FAT3: variants seen among roughly 807,000 people sequenced by gnomAD.
The protein encoded by FAT3 is FAT atypical cadherin 3, also known as protocadherin Fat 3.
Under a neutral mutation model 310.2 loss-of-function variants are expected in FAT3, and 95 were observed. That is an observed-to-expected ratio of 0.31 (90% confidence interval 0.26 to 0.36). FAT3 has a LOEUF of 0.36. Ranked by LOEUF, FAT3 falls within the 10% of genes least tolerant of loss-of-function variation. FAT3 has a pLI of 1.00. For synonymous variants in FAT3, 2,314 were observed against 2,192.9 expected (o/e 1.06, Z -1.54); for missense variants, 5,408 against 5,715.6 (o/e 0.95, Z 1.74).
At chr11:92,651,561 C>T (rs1226219555) in intron 3 of FAT3, among the ~76,000 whole-genome samples, 1 of 152,140 alleles carries the variant, frequency 6.6e-6, no homozygotes, top group Non-Finnish European at 1.5e-5. Flanking sequence ...GGAGTTGAGA[C>T]ACTTTTTTTT....
intron 9 of FAT3, 73 bp downstream of exon 9, chr11:92,793,050 G>C (rs1043071377): frequency 6.8e-7 from 1 of 1,460,528 alleles, no homozygotes; most frequent in Non-Finnish European, 9.4e-7. Flanking sequence ...TTATCACCAT[G>C]TAAAATTCAG....
chr11:92,773,514 C>CT (rs993461489), intron 6 of FAT3, among the ~76,000 whole-genome samples: 12 of 151,656 alleles, frequency 7.9e-5, no homozygotes, highest in South Asian at 4.2e-4. Context: ...AATTTTTTTG[C>CT]TTTTTTTTAC....
At chr11:92,837,526 A>C in intron 16 of FAT3, 137 bp from the exon 17 acceptor site, 2 of 1,053,484 alleles carry the variant, frequency 1.9e-6, no homozygotes, top group Non-Finnish European at 2.7e-6. Flanking sequence ...GGTGCCAAGA[A>C]TCACCCGGTC....
chr11:92,595,500 G>A (rs1939658763), intron 3 of FAT3, among the ~76,000 whole-genome samples: 1 of 152,114 alleles, frequency 6.6e-6, no homozygotes, highest in African/African-American at 2.4e-5. Flanking sequence ...TTTTCTTCCC[G>A]AACATTATGG....
chr11:92,570,374 G>T (rs1419007618), intron 3 of FAT3, among the ~76,000 whole-genome samples: 1 of 152,198 alleles, frequency 6.6e-6, no homozygotes, highest in Non-Finnish European at 1.5e-5. Flanking sequence ...GAAGGATTGT[G>T]TGTGAGACAG....
chr11:92,854,195 G>T (rs1437378390), intron 19 of FAT3, among the ~76,000 whole-genome samples: 1 of 152,242 alleles, frequency 6.6e-6, no homozygotes, highest in East Asian at 1.9e-4. Context: ...GGTTGCGACA[G>T]AACCCAGGTT....
intron 3 of FAT3, among the ~76,000 whole-genome samples, chr11:92,525,681 AT>A (rs1953838204): frequency 7.8e-5 from 10 of 127,422 alleles, no homozygotes; most frequent in Non-Finnish European, 1.6e-4. Flanking sequence ...AAGGAGTAAA[AT>A]AGTGAGAGTT....
chr11:92,328,471 C>G (rs917835979), intron 1 of FAT3, among the ~76,000 whole-genome samples: 7 of 152,196 alleles, frequency 4.6e-5, no homozygotes, highest in Admixed American at 4.6e-4. Flanking sequence ...GGTAAATGAA[C>G]TAAGTAGTGA....
At chr11:92,367,027 T>C (rs1346004450) in intron 2 of FAT3, 25 of 513,496 alleles carry the variant, frequency 4.9e-5, no homozygotes, top group Non-Finnish European at 1.9e-5. Flanking sequence ...CCACATCTGA[T>C]CAATAACATC....
At chr11:92,852,569 T>C (rs966166068) in intron 19 of FAT3, among the ~76,000 whole-genome samples, 4 of 151,922 alleles carry the variant, frequency 2.6e-5, no homozygotes, top group Non-Finnish European at 2.9e-5. Context: ...CCAAAAACTA[T>C]CCCCTTAATC....
chr11:92,599,094 T>C (rs1490202057), intron 3 of FAT3, among the ~76,000 whole-genome samples: 1 of 152,192 alleles, frequency 6.6e-6, no homozygotes. Flanking sequence ...TCAGCCTCTC[T>C]AATGAGTGTT....
chr11:92,832,073 G>C, intron 14 of FAT3, 62 bp downstream of exon 14: 1 of 1,468,820 alleles, frequency 6.8e-7, no homozygotes, highest in Non-Finnish European at 9.0e-7. Flanking sequence ...GCTCACACCT[G>C]TAAACCTAGC....
At chr11:92,681,301 A>G (rs1268627359) in intron 3 of FAT3, among the ~76,000 whole-genome samples, 1 of 152,210 alleles carries the variant, frequency 6.6e-6, no homozygotes, top group Non-Finnish European at 1.5e-5. Context: ...AGGTGATGTA[A>G]GCAGAGAAGG....
At chr11:92,865,390 G>A (rs750321737) in intron 21 of FAT3, among the ~76,000 whole-genome samples, 2 of 152,198 alleles carry the variant, frequency 1.3e-5, no homozygotes, top group African/African-American at 2.4e-5. Context: ...CTCCTTGGCT[G>A]TTTGTGACCT....
At position 92,896,037 on chromosome 11, in the gene FAT3, T is replaced by C. The variant is rs1414612379; in HGVS notation, c.*4924T>C. The C allele has an allele frequency of 6.6e-6, 1 of 152,176 alleles. No homozygotes were observed. The highest frequency in any genetic ancestry group is 6.5e-5 in the Admixed American group (1 of 15,278). 9.4% of individuals were successfully genotyped at this position (152,176 alleles called of 1,614,324 possible). A position where few individuals can be genotyped will look rare whatever the true frequency, so the allele number is the denominator to read the frequency against. On this transcript the variant is annotated 3_prime_UTR_variant, in exon 28 of 28. Coordinates refer to ENST00000525166, the MANE Select transcript of FAT3 (RefSeq NM_001367949.2). Reference sequence around the variant, plus strand: ...TGTTTTCATTTAACTTTCTCTGTTTTCAAGAAAAATTGTCTTTATTGACAT... The same window carrying C: ...TGTTTTCATTTAACTTTCTCTGTTTCCAAGAAAAATTGTCTTTATTGACAT...
At chr11:92,876,023 G>T (rs1949523193) in intron 22 of FAT3, among the ~76,000 whole-genome samples, 1 of 152,140 alleles carries the variant, frequency 6.6e-6, no homozygotes, top group South Asian at 2.1e-4. Context: ...ATGTCCCTCA[G>T]ATCTGGACCG....
chr11:92,889,065 G>C (rs1277076259), intron 25 of FAT3, 124 bp from the exon 26 acceptor site: 1 of 536,448 alleles, frequency 1.9e-6, no homozygotes, highest in East Asian at 3.1e-5. Flanking sequence ...GAGGCTTTGG[G>C]TGTTTGCATG....
chr11:92,435,511 C>CTTCCTTCCTTCG (rs1950911531), intron 2 of FAT3, among the ~76,000 whole-genome samples: 1 of 139,930 alleles, frequency 7.1e-6, no homozygotes, highest in African/African-American at 2.9e-5. Context: ...TCCTTCCTTC[C>CTTCCTTCCTTCG]TTCCTTCCTT....
intron 1 of FAT3, among the ~76,000 whole-genome samples, chr11:92,301,567 G>A (rs940009501): frequency 2.0e-5 from 3 of 152,106 alleles, no homozygotes; most frequent in Non-Finnish European, 4.4e-5. Flanking sequence ...ATGGCAAATG[G>A]GGGCAGAGCC....
Sources: allele counts gnomAD v4.1 joint callset (sites outside exome capture counted in the v4.1 genomes callset), GRCh38; gene constraint gnomAD v4.1.1; transcripts MANE v1.5; gene names NCBI Gene and HGNC (gene_info 2026-07-23, HGNC 2026-07-21).